The following RSF1 variants were observed in gnomAD, a reference collection of about 807,000 sequenced individuals.
The protein encoded by RSF1 is HBV pX-associated protein 8.
Under a neutral mutation model 145.2 loss-of-function variants are expected in RSF1, and 13 were observed. The observed-to-expected ratio is 0.09, with a 90% CI of 0.06 to 0.14. The LOEUF (loss-of-function observed/expected upper bound fraction) is 0.14. Ranked by LOEUF, RSF1 falls within the 10% of genes least tolerant of loss-of-function variation. The pLI is 1.00. For missense variants in RSF1, 1,517 were observed against 1,718.2 expected, an observed-to-expected ratio of 0.88 and a Z score of 2.07; for synonymous variants, 577 against 592.6, an observed-to-expected ratio of 0.97 and a Z score of 0.38.
intron 1 of RSF1, among the ~76,000 whole-genome samples, chr11:77,787,253 T>C (rs1948466177): frequency 2.6e-5 from 4 of 152,164 alleles, no homozygotes; most frequent in Admixed American, 1.3e-4. Flanking sequence ...AGCTCATCTT[T>C]TGGCTAACAC....
chr11:77,712,698 T>A (rs1392040111), intron 5 of RSF1, among the ~76,000 whole-genome samples: 1 of 152,214 alleles, frequency 6.6e-6, no homozygotes, highest in Non-Finnish European at 1.5e-5. Flanking sequence ...CTTCCCTCAT[T>A]ACATCTACAT....
chr11:77,704,928 T>C (rs1960510350), intron 5 of RSF1, among the ~76,000 whole-genome samples: 1 of 152,098 alleles, frequency 6.6e-6, no homozygotes, highest in Non-Finnish European at 1.5e-5. Context: ...ATTTTGTATA[T>C]TTAGTAGAGG....
At position 77,805,625 on chromosome 11, in the gene RSF1, A is replaced by G. The variant is rs548528118; in HGVS notation, c.187+14903T>C. 3.3e-5 allele frequency among the ~76,000 whole-genome samples: 5 copies of G among 152,328 alleles called. No homozygotes were observed. The East Asian group carries it at 9.6e-4, about 29-fold the overall frequency. On this transcript the variant is annotated intron_variant, in intron 1 of 15. Transcript: ENST00000308488. Reference sequence around the variant, plus strand: ...TTAAAAGCATAAATGTTAAATGCATACTTAACGTTTATATAGCATATATAT... The same window carrying G: ...TTAAAAGCATAAATGTTAAATGCATGCTTAACGTTTATATAGCATATATAT...
chr11:77,835,244 G>A, the RSF1 span, among the ~76,000 whole-genome samples: 12 of 152,054 alleles, frequency 7.9e-5, no homozygotes, highest in Admixed American at 3.3e-4. Flanking sequence ...CCTTTGCCCC[G>A]TCCCACTTTA....
chr11:77,855,192 T>C, the RSF1 span, among the ~76,000 whole-genome samples: 1 of 152,250 alleles, frequency 6.6e-6, no homozygotes, highest in Non-Finnish European at 1.5e-5. Context: ...TGGGAGGAGC[T>C]ACTGTGAAGG....
At chr11:77,840,743 A>G in the RSF1 span, among the ~76,000 whole-genome samples, 17 of 152,062 alleles carry the variant, frequency 1.1e-4, no homozygotes, top group Non-Finnish European at 2.4e-4. Flanking sequence ...AGTGTGGGTC[A>G]TAGTTTTTGT....
intron 15 of RSF1, among the ~76,000 whole-genome samples, chr11:77,669,385 G>T (rs1228590246): frequency 1.3e-5 from 2 of 152,114 alleles, no homozygotes; most frequent in African/African-American, 2.4e-5. Flanking sequence ...CAAAATGTGG[G>T]ATGGTTTGCT....
chr11:77,789,468 C>T (rs1948494094), intron 1 of RSF1, among the ~76,000 whole-genome samples: 1 of 152,200 alleles, frequency 6.6e-6, no homozygotes, highest in Non-Finnish European at 1.5e-5. Context: ...GGCTGAGGCA[C>T]AAGCAAGGCA....
intron 1 of RSF1, chr11:77,813,648 C>T (rs1177993281): frequency 3.0e-5 from 17 of 572,880 alleles, no homozygotes; most frequent in Non-Finnish European, 4.5e-5. Flanking sequence ...CAGCTCCACG[C>T]GTGTTTTTCC....
upstream of RSF1, among the ~76,000 whole-genome samples, chr11:77,823,214 CAAAAAA>C (rs746182266): frequency 7.5e-5 from 7 of 92,734 alleles, no homozygotes; most frequent in South Asian, 8.2e-4. Flanking sequence ...GACTCCGTCT[CAAAAAA>C]AAAAAAAAAA....
At chr11:77,841,017 A>G in the RSF1 span, 1 of 522,610 alleles carries the variant, frequency 1.9e-6, no homozygotes, top group South Asian at 3.5e-5. Flanking sequence ...TTTTTCTCAC[A>G]GTTCTGGAGG....
At chr11:77,746,599 TA>T (rs2135917783) in intron 3 of RSF1, among the ~76,000 whole-genome samples, 1 of 152,302 alleles carries the variant, frequency 6.6e-6, no homozygotes, top group African/African-American at 2.4e-5. Context: ...CTCAAACTTG[TA>T]AAAAAGCCTA....
In RSF1 at chr11:77,751,297, G is replaced by T. The variant is rs193279874; in HGVS notation, c.280-4169C>A. ...AACTCATAAGAAATTTAAAAAGAGG[G>T]TGTGAAATGGCTTCTAAGAGCCTAA... On this transcript the variant is annotated intron_variant, in intron 2 of 15. Transcript: ENST00000308488. 2.6e-5 allele frequency among the ~76,000 whole-genome samples: 4 copies of T among 152,234 alleles called. No homozygotes were observed. The East Asian group carries it at 7.7e-4, about 29-fold the overall frequency.
intron 9 of RSF1, among the ~76,000 whole-genome samples, chr11:77,690,195 C>T (rs1205882709): frequency 6.6e-6 from 1 of 151,550 alleles, no homozygotes; most frequent in Non-Finnish European, 1.5e-5. Flanking sequence ...AAACCTTCTC[C>T]AACTGCTTAA....
rs73506742 is a variant in RSF1 at position 77,681,499 on chromosome 11, T to C, written c.3065+2211A>G. Among the ~76,000 whole-genome samples, 288 of 152,222 alleles carry C rather than the reference T, an allele frequency of 1.9e-3. 2 individuals are homozygous for C. Among genetic ancestry groups the C allele is most frequent in the Middle Eastern group, 6.8e-3 (2 of 294 alleles). ...CTCTCTATGATGCCCAGGATGGTCT[T>C]GAACTTTTGGGCTGAAACGATCCTC... On this transcript the variant is annotated intron_variant, in intron 11 of 15. Coordinates refer to ENST00000308488, the MANE Select transcript of RSF1 (RefSeq NM_016578.4).
chr11:77,742,705 A>G (rs978916797), intron 3 of RSF1, among the ~76,000 whole-genome samples: 5 of 152,188 alleles, frequency 3.3e-5, no homozygotes, highest in Non-Finnish European at 5.9e-5. Context: ...TACCCTGATA[A>G]TTAGTGATAT....
At chr11:77,824,226 CAATT>C (rs1949068877), upstream of RSF1, among the ~76,000 whole-genome samples, 1 of 152,132 alleles carries the variant, frequency 6.6e-6, no homozygotes, top group Non-Finnish European at 1.5e-5. Context: ...AGCTTAACGA[CAATT>C]TATGTAGTTA....
At chr11:77,717,864 T>C (rs928377737) in intron 5 of RSF1, 6 of 152,310 alleles carry the variant, frequency 3.9e-5, no homozygotes, top group Admixed American at 2.0e-4. Context: ...TCAGGTACAA[T>C]AGAAAATATA....
the RSF1 span, among the ~76,000 whole-genome samples, chr11:77,843,843 A>G: frequency 3.9e-5 from 6 of 152,140 alleles, no homozygotes; most frequent in Non-Finnish European, 5.9e-5. Context: ...ATGGCTGGGG[A>G]GGCCTCACAA....
Sources: gnomAD v4.1 joint callset for allele counts (sites outside exome capture counted in the v4.1 genomes callset) on GRCh38, gnomAD v4.1.1 for gene constraint, MANE v1.5 for transcripts, NCBI Gene and HGNC (gene_info 2026-07-23, HGNC 2026-07-21) for gene names.